GALNT5: variants seen among roughly 807,000 people sequenced by gnomAD.
GALNT5 encodes polypeptide N-acetylgalactosaminyltransferase 5.
Under a neutral mutation model 85.4 loss-of-function variants are expected in GALNT5, and 72 were observed. The ratio of observed to expected loss-of-function variants is 0.84; its 90% CI spans 0.70 to 1.03. The LOEUF is 1.03. Ranked by LOEUF, GALNT5 falls within the 50% of genes least tolerant of loss-of-function variation. GALNT5 has a pLI of 0.00. For synonymous variants in GALNT5, 404 were observed against 397.0 expected (o/e 1.02, Z -0.21); for missense variants, 1,137 against 1,135.5 (o/e 1.00, Z -0.02).
chr2:157,280,529 T>C (rs539400468), intron 1 of GALNT5, among the ~76,000 whole-genome samples: 1 of 152,358 alleles, frequency 6.6e-6, no homozygotes, highest in South Asian at 2.1e-4. Context: ...CCCAGAAATG[T>C]GACAGAATAT....
At chr2:157,294,558 C>T (rs1683168325) in intron 3 of GALNT5, among the ~76,000 whole-genome samples, 1 of 152,178 alleles carries the variant, frequency 6.6e-6, no homozygotes, top group African/African-American at 2.4e-5. Context: ...AGAGCAAGTG[C>T]TGCAGCCGAG....
At position 157,311,866 on chromosome 2, in the gene GALNT5, C is replaced by T. The variant is rs1021369904; in HGVS notation, c.*518C>T. On this transcript the variant is annotated 3_prime_UTR_variant, in exon 10 of 10. Transcript: ENST00000259056. ...GAAATCCCTCCAGACTACATGCATG[C>T]TTACCTAACAGTTTGAAATAGTATT... 1 of 152,314 alleles carries T rather than the reference C, an allele frequency of 6.6e-6. No individual in the cohort carries two copies. Among genetic ancestry groups the T allele is most frequent in the African/African-American group, 2.4e-5 (1 of 41,460 alleles). The allele number at this position is 152,314 out of a possible 1,614,324, so 9.4% of individuals were successfully genotyped here. A position where few individuals can be genotyped will look rare whatever the true frequency, so the allele number is the denominator to read the frequency against.
At chr2:157,281,993 G>A (rs1385467424) in intron 1 of GALNT5, among the ~76,000 whole-genome samples, 1 of 152,140 alleles carries the variant, frequency 6.6e-6, no homozygotes, top group African/African-American at 2.4e-5. Flanking sequence ...AATTTGTTAT[G>A]GTGGCCAAAG....
chr2:157,262,296 C>T (rs1258953951), intron 1 of GALNT5, among the ~76,000 whole-genome samples: 3 of 150,168 alleles, frequency 2.0e-5, no homozygotes, highest in East Asian at 2.0e-4. Context: ...CGGTAGTTAA[C>T]ATCATCTTAA....
chr2:157,265,132 T>C (rs929193739), intron 1 of GALNT5, among the ~76,000 whole-genome samples: 44 of 152,180 alleles, frequency 2.9e-4, no homozygotes, highest in African/African-American at 1.0e-3. Context: ...TGTGTGCACG[T>C]GCATGCATTT....
chr2:157,266,322 T>C lies in GALNT5; in HGVS notation c.1454+6786T>C, dbSNP rs555432823. ...CCTCACAGCTCACAAGTGCCAATGT[T>C]GGGACCCAACCTCTAGTTTTCTGAC... On this transcript the variant is annotated intron_variant, in intron 1 of 9. Transcript: ENST00000259056. 3.3e-4 allele frequency among the ~76,000 whole-genome samples: 50 copies of C among 152,334 alleles called. No individual in the cohort carries two copies. In the South Asian group the frequency reaches 3.5e-3, roughly 11 times the overall value.
At chr2:157,261,649 G>A (rs1682342201) in intron 1 of GALNT5, among the ~76,000 whole-genome samples, 1 of 152,166 alleles carries the variant, frequency 6.6e-6, no homozygotes, top group Non-Finnish European at 1.5e-5. Flanking sequence ...GTATTTTTCA[G>A]TCCTTTTGTA....
rs894557986 is a variant in GALNT5 at position 157,315,168 on chromosome 2, A to T, written c.*3820A>T. Among the ~76,000 whole-genome samples, 1 of 152,204 alleles carries T rather than the reference A, an allele frequency of 6.6e-6. No individual in the cohort carries two copies. The highest frequency in any genetic ancestry group is 2.4e-5 in the African/African-American group (1 of 41,460). Reference sequence around the variant, plus strand: ...ATGACATTGGGTGATGGGAAAAAAGAAAGGAACTAATTATCATTGAGTGTG... The same window carrying T: ...ATGACATTGGGTGATGGGAAAAAAGTAAGGAACTAATTATCATTGAGTGTG... On this transcript the variant is annotated 3_prime_UTR_variant, in exon 10 of 10. Transcript: ENST00000259056.
chr2:157,315,782 C>T lies in GALNT5; in HGVS notation c.*4434C>T, dbSNP rs1053187689. ...AAGCTCCATTTTCTGGGGAAATACC[C>T]ATGGTTCATTGTCTGATGCCAAGAA... On this transcript the variant is annotated 3_prime_UTR_variant, in exon 10 of 10. Coordinates refer to ENST00000259056, the MANE Select transcript of GALNT5 (RefSeq NM_014568.3). Among the ~76,000 whole-genome samples the T allele has an allele frequency of 6.6e-6, 1 of 152,138 alleles. No homozygotes were observed. The highest frequency in any genetic ancestry group is 1.5e-5 in the Non-Finnish European group (1 of 68,028).
At chr2:157,288,925 G>A (rs1057398181) in intron 3 of GALNT5, among the ~76,000 whole-genome samples, 2 of 152,136 alleles carry the variant, frequency 1.3e-5, no homozygotes, top group African/African-American at 4.8e-5. Flanking sequence ...GATGTGAAGA[G>A]AATAAGAATG....
intron 1 of GALNT5, among the ~76,000 whole-genome samples, chr2:157,267,750 CA>C (rs1682488115): frequency 6.6e-6 from 1 of 152,178 alleles, no homozygotes; most frequent in Non-Finnish European, 1.5e-5. Context: ...TTACATTTAC[CA>C]TGGCAACCAC....
chr2:157,299,522 TAA>T, intron 5 of GALNT5, 24 bp from the exon 6 acceptor site: 1 of 1,427,134 alleles, frequency 7.0e-7, no homozygotes, highest in Non-Finnish European at 9.9e-7. Flanking sequence ...GATGCAAGTT[TAA>T]AAAACAAACT....
At chr2:157,284,490 T>C (rs1435955493) in intron 2 of GALNT5, 42 bp downstream of exon 2, 1 of 1,554,436 alleles carries the variant, frequency 6.4e-7, no homozygotes, top group Non-Finnish European at 8.8e-7. Flanking sequence ...TTTCAAAGTT[T>C]GGCAGAAGCA....
chr2:157,260,141 A>C (rs1041739456), intron 1 of GALNT5, among the ~76,000 whole-genome samples: 1 of 152,240 alleles, frequency 6.6e-6, no homozygotes, highest in African/African-American at 2.4e-5. Context: ...TGTTGGAAAA[A>C]GTCAATCAGT....
intron 3 of GALNT5, among the ~76,000 whole-genome samples, chr2:157,291,314 A>T (rs931582670): frequency 6.6e-6 from 1 of 152,200 alleles, no homozygotes; most frequent in Non-Finnish European, 1.5e-5. Context: ...GGCTAACTTT[A>T]AGTAACTGGA....
intron 1 of GALNT5, among the ~76,000 whole-genome samples, chr2:157,279,506 A>C (rs1319541337): frequency 6.6e-6 from 1 of 152,094 alleles, no homozygotes; most frequent in African/African-American, 2.4e-5. Flanking sequence ...TTGTTTACCT[A>C]CTCAAGCCTC....
chr2:157,307,659 A>G (rs1025541667), intron 8 of GALNT5, among the ~76,000 whole-genome samples: 1 of 152,204 alleles, frequency 6.6e-6, no homozygotes, highest in Admixed American at 6.5e-5. Context: ...TCCAATGGCA[A>G]GGTCCAACAC....
intron 1 of GALNT5, among the ~76,000 whole-genome samples, chr2:157,269,985 TA>T (rs936878834): frequency 2.0e-4 from 31 of 151,930 alleles, no homozygotes; most frequent in African/African-American, 3.4e-4. Context: ...CAAATACCAT[TA>T]AAAAAAATGT....
intron 9 of GALNT5, among the ~76,000 whole-genome samples, chr2:157,310,167 T>A (rs1171669920): frequency 2.6e-5 from 4 of 152,184 alleles, no homozygotes; most frequent in Non-Finnish European, 4.4e-5. Context: ...ATAGCAAAAA[T>A]TAGAAAGCCT....
Sources: allele counts gnomAD v4.1 joint callset (sites outside exome capture counted in the v4.1 genomes callset), GRCh38; gene constraint gnomAD v4.1.1; transcripts MANE v1.5; gene names NCBI Gene and HGNC (gene_info 2026-07-23, HGNC 2026-07-21).